OR1B1: variants seen among roughly 807,000 people sequenced by gnomAD.
OR1B1 encodes the protein olfactory receptor 1B1.
For synonymous variants in OR1B1, 168 were observed against 156.2 expected (o/e 1.08, Z -0.57); for missense variants, 414 against 402.1 (o/e 1.03, Z -0.25).
At chr9:122,651,047 C>T in the OR1B1 span, among the ~76,000 whole-genome samples, 4 of 151,960 alleles carry the variant, frequency 2.6e-5, no homozygotes. Flanking sequence ...TGGTTTGTCC[C>T]AAAGTAAACA....
At chr9:122,628,855 A>G (rs1367070996) in exon 1 of OR1B1, 1 of 1,614,136 alleles carries the variant, frequency 6.2e-7, no homozygotes, top group Admixed American at 1.7e-5. Context: ...TAGCGGCCCC[A>G]ATTCGGACAT....
chr9:122,647,007 T>C, the OR1B1 span, among the ~76,000 whole-genome samples: 1 of 152,174 alleles, frequency 6.6e-6, no homozygotes, highest in Non-Finnish European at 1.5e-5. Flanking sequence ...TTGTCATAAG[T>C]TTAAAATGAT....
At chr9:122,635,182 T>C in the OR1B1 span, among the ~76,000 whole-genome samples, 4 of 152,202 alleles carry the variant, frequency 2.6e-5, no homozygotes, top group African/African-American at 9.6e-5. Context: ...TTATTTAGCC[T>C]TTAAAAAGGA....
At position 122,628,580 on chromosome 9, in the gene OR1B1, CA is replaced by C; in HGVS notation, c.955del (p.Ter319delextTer?). ...TCAATATGGCCCACAGCAGGCTAATCAGGGGTCTACCTTCACCCATTCAAGC... is the reference window on the plus strand; with the variant it reads ...TCAATATGGCCCACAGCAGGCTAATCGGGGTCTACCTTCACCCATTCAAGC... On this transcript the variant is annotated frameshift_variant and stop_lost, in exon 1 of 1. Transcript: ENST00000623530. LOFTEE classifies it high-confidence loss of function. 6.3e-7 allele frequency: 1 copy of C among 1,582,512 alleles called. No individual in the cohort carries two copies. Among genetic ancestry groups the C allele is most frequent in the Non-Finnish European group, 8.7e-7 (1 of 1,153,588 alleles).
chr9:122,643,208 G>A, the OR1B1 span, among the ~76,000 whole-genome samples: 1 of 152,158 alleles, frequency 6.6e-6, no homozygotes, highest in Non-Finnish European at 1.5e-5. Flanking sequence ...AGGCTATTGA[G>A]AAGGGCAGGA....
chr9:122,628,658 G>A (rs777260370), exon 1 of OR1B1: 1 of 1,614,010 alleles, frequency 6.2e-7, no homozygotes, highest in East Asian at 2.2e-5. Flanking sequence ...ATACACAAAT[G>A]GGTTGGCCAA....
chr9:122,641,195 C>T, the OR1B1 span, among the ~76,000 whole-genome samples: 1 of 152,114 alleles, frequency 6.6e-6, no homozygotes, highest in Non-Finnish European at 1.5e-5. Flanking sequence ...CAAAGAACAG[C>T]TGGCTTTCTG....
the OR1B1 span, among the ~76,000 whole-genome samples, chr9:122,643,310 G>A: frequency 0.17 from 26,519 of 152,144 alleles, 3,077 homozygotes; most frequent in East Asian, 0.43. Flanking sequence ...GGGAGGGAGA[G>A]CACAGCAACT....
chr9:122,635,891 CA>C, the OR1B1 span, among the ~76,000 whole-genome samples: 2 of 152,030 alleles, frequency 1.3e-5, no homozygotes, highest in African/African-American at 4.8e-5. Context: ...AATAGACTGA[CA>C]AAAGATTTAT....
the OR1B1 span, among the ~76,000 whole-genome samples, chr9:122,645,028 G>T: frequency 1.3e-5 from 2 of 152,140 alleles, no homozygotes; most frequent in Non-Finnish European, 2.9e-5. Context: ...GAAACTCAAA[G>T]AAATTCAAGA....
upstream of OR1B1, chr9:122,629,719 A>G (rs1252756232): frequency 5.8e-6 from 3 of 513,060 alleles, no homozygotes; most frequent in African/African-American, 5.7e-5. Context: ...CTTAATATGT[A>G]TTTATTTTCT....
chr9:122,636,387 G>T, the OR1B1 span, among the ~76,000 whole-genome samples: 1 of 152,186 alleles, frequency 6.6e-6, no homozygotes, highest in Non-Finnish European at 1.5e-5. Context: ...GGCCAAGGCG[G>T]GTGGATCACC....
chr9:122,628,703 A>G lies in OR1B1; in HGVS notation c.833T>C (p.Met278Thr), dbSNP rs1380559501. Residue 278 changes from methionine (M) to threonine (T), a missense_variant, in exon 1 of 1, where the codon ATG (methionine) becomes ACG (threonine). Met to Thr is a moderately conservative substitution (Grantham distance 81). Coordinates refer to ENST00000623530, the Ensembl canonical transcript of OR1B1. ...GGCAGTATACATTACTGAAGCCACC[A>G]TGTCCTGATACTGAGAGTTCTGGAA... is the stretch of plus-strand genomic sequence containing the variant. 3 of 1,613,740 alleles carry G rather than the reference A, an allele frequency of 1.9e-6. No individual in the cohort carries two copies. Among genetic ancestry groups the G allele is most frequent in the African/African-American group, 1.3e-5 (1 of 74,896 alleles).
the OR1B1 span, among the ~76,000 whole-genome samples, chr9:122,649,951 T>A: frequency 0.012 from 1,789 of 152,304 alleles, 36 homozygotes; most frequent in African/African-American, 0.041. Flanking sequence ...TGCACATGTA[T>A]GTTTATTGCA....
upstream of OR1B1, among the ~76,000 whole-genome samples, chr9:122,634,259 C>T (rs1830234894): frequency 6.6e-6 from 1 of 151,310 alleles, no homozygotes; most frequent in East Asian, 1.9e-4. Flanking sequence ...TCGCTTGAAC[C>T]CGGGATGTGG....
the OR1B1 span, among the ~76,000 whole-genome samples, chr9:122,638,231 G>A: frequency 1.3e-5 from 2 of 152,154 alleles, no homozygotes; most frequent in African/African-American, 2.4e-5. Flanking sequence ...GGAAAGAGAA[G>A]CAGTTTGGGC....
the OR1B1 span, among the ~76,000 whole-genome samples, chr9:122,646,576 C>A: frequency 6.6e-5 from 10 of 150,404 alleles, no homozygotes; most frequent in Non-Finnish European, 1.2e-4. Flanking sequence ...GACAAAATAG[C>A]CTTCAAGACA....
the OR1B1 span, among the ~76,000 whole-genome samples, chr9:122,646,342 A>G: frequency 6.6e-6 from 1 of 152,254 alleles, no homozygotes; most frequent in Non-Finnish European, 1.5e-5. Flanking sequence ...AAGTCCCCAC[A>G]TATCAATAAT....
chr9:122,651,020 G>A, the OR1B1 span, among the ~76,000 whole-genome samples: 3 of 148,468 alleles, frequency 2.0e-5, no homozygotes, highest in East Asian at 2.0e-4. Flanking sequence ...GCGAGACGCC[G>A]TCTCAAAAAA....
Sources: allele counts gnomAD v4.1 joint callset (sites outside exome capture counted in the v4.1 genomes callset), GRCh38; gene constraint gnomAD v4.1.1; transcripts MANE v1.5; gene names NCBI Gene and HGNC (gene_info 2026-07-23, HGNC 2026-07-21).